TBC1D10A: variants seen among roughly 807,000 people sequenced by gnomAD.
The protein encoded by TBC1D10A is TBC1 domain family member 10A.
Under a neutral mutation model 52.9 loss-of-function variants are expected in TBC1D10A, and 24 were observed. The ratio of observed to expected loss-of-function variants is 0.45; its 90% CI spans 0.33 to 0.64. TBC1D10A has a LOEUF of 0.64. Among genes scored for constraint, TBC1D10A ranks in the 30% least tolerant of loss-of-function variants. The pLI is 0.02. For missense variants in TBC1D10A, 602 were observed against 687.9 expected, an observed-to-expected ratio of 0.88 and a Z score of 1.40; for synonymous variants, 278 against 282.9, an observed-to-expected ratio of 0.98 and a Z score of 0.17.
intron 1 of TBC1D10A, among the ~76,000 whole-genome samples, chr22:30,321,058 C>G (rs1028260834): frequency 3.9e-5 from 6 of 152,212 alleles, no homozygotes; most frequent in African/African-American, 1.4e-4. Flanking sequence ...CAAGTAGGTG[C>G]TACCATCTTA....
chr22:30,309,831 A>T (rs1930390134), intron 1 of TBC1D10A, among the ~76,000 whole-genome samples: 1 of 152,216 alleles, frequency 6.6e-6, no homozygotes, highest in South Asian at 2.1e-4. Context: ...CCTTCTAGAC[A>T]TCTGCTTTCT....
At chr22:30,302,081 C>A (rs1930212687) in intron 2 of TBC1D10A, among the ~76,000 whole-genome samples, 1 of 152,182 alleles carries the variant, frequency 6.6e-6, no homozygotes, top group Non-Finnish European at 1.5e-5. Flanking sequence ...AGCCCTGGAA[C>A]ACTTCGCGGG....
intron 1 of TBC1D10A, among the ~76,000 whole-genome samples, chr22:30,325,299 G>C (rs571451253): frequency 1.3e-5 from 2 of 152,248 alleles, no homozygotes; most frequent in Non-Finnish European, 2.9e-5. Flanking sequence ...GAAGAAGGAG[G>C]CCTGGTGAAT....
intron 8 of TBC1D10A, 182 bp from the exon 9 acceptor site, chr22:30,293,033 T>C: frequency 1.5e-6 from 1 of 670,042 alleles, no homozygotes; most frequent in Non-Finnish European, 2.5e-6. Context: ...GAGTGCCAGG[T>C]GAGCTGGACA....
At chr22:30,311,197 G>A (rs1181108476) in intron 1 of TBC1D10A, among the ~76,000 whole-genome samples, 1 of 152,236 alleles carries the variant, frequency 6.6e-6, no homozygotes, top group African/African-American at 2.4e-5. Context: ...AGTTCCATAA[G>A]AAGTGATGAT....
At chr22:30,323,970 C>CAA (rs34782876) in intron 1 of TBC1D10A, among the ~76,000 whole-genome samples, 1 of 151,192 alleles carries the variant, frequency 6.6e-6, no homozygotes, top group African/African-American at 2.4e-5. Context: ...GACTCCGTCT[C>CAA]AAAAAAAAAA....
chr22:30,309,241 A>G lies in TBC1D10A; in HGVS notation c.210-4611T>C, dbSNP rs1333644355. Among the ~76,000 whole-genome samples, 9 of 145,814 alleles carry G rather than the reference A, an allele frequency of 6.2e-5. No individual in the cohort carries two copies. In the East Asian group the frequency reaches 1.4e-3, roughly 23 times the overall value. Reference sequence around the variant, plus strand: ...AGATGGTAAGCCTGGGTAATCTGCCATTTTTTTTTTTTTGAGACGGAGTCT... The same window carrying G: ...AGATGGTAAGCCTGGGTAATCTGCCGTTTTTTTTTTTTTGAGACGGAGTCT... On this transcript the variant is annotated intron_variant, in intron 1 of 8. Transcript: ENST00000215790.
At chr22:30,293,335 C>T in intron 8 of TBC1D10A, 1 of 635,906 alleles carries the variant, frequency 1.6e-6, no homozygotes. Context: ...AGACAAGTAT[C>T]CATAAAGAAA....
chr22:30,301,625 T>C (rs1234413190), intron 2 of TBC1D10A, among the ~76,000 whole-genome samples: 1 of 152,116 alleles, frequency 6.6e-6, no homozygotes, highest in African/African-American at 2.4e-5. Context: ...TCCCCTCACC[T>C]AGAAACCCCC....
intron 2 of TBC1D10A, 136 bp downstream of exon 2, chr22:30,304,395 T>A (rs1930268257): frequency 6.9e-7 from 1 of 1,441,734 alleles, no homozygotes; most frequent in South Asian, 1.3e-5. Context: ...TGTCCTGCAC[T>A]GGCAGTTGGA....
At chr22:30,306,057 C>G (rs573556846) in intron 1 of TBC1D10A, among the ~76,000 whole-genome samples, 1 of 152,220 alleles carries the variant, frequency 6.6e-6, no homozygotes, top group South Asian at 2.1e-4. Context: ...AACCCCCAAA[C>G]ATCCCAGGAG....
intron 4 of TBC1D10A, among the ~76,000 whole-genome samples, 200 bp from the exon 5 acceptor site, chr22:30,295,255 A>T (rs1386426554): frequency 6.6e-6 from 1 of 152,194 alleles, no homozygotes; most frequent in African/African-American, 2.4e-5. Flanking sequence ...GAGGTGGGGA[A>T]GGTCTCCCCC....
intron 2 of TBC1D10A, among the ~76,000 whole-genome samples, chr22:30,301,296 T>C (rs573118415): frequency 2.0e-5 from 3 of 151,918 alleles, no homozygotes; most frequent in African/African-American, 7.2e-5. Context: ...AGGGGTGAGA[T>C]GGCCAATGAT....
chr22:30,325,010 C>T (rs894604405), intron 1 of TBC1D10A, among the ~76,000 whole-genome samples: 1 of 152,224 alleles, frequency 6.6e-6, no homozygotes, highest in African/African-American at 2.4e-5. Context: ...CTGGGAACTC[C>T]TTTCCTAGAT....
Position 30,326,839 on chromosome 22 carries a change from C to A in TBC1D10A, c.43G>T (p.Ala15Ser). The A allele has an allele frequency of 6.8e-7, 1 of 1,475,840 alleles. No individual in the cohort carries two copies. The allele number at this position is 1,475,840 out of a possible 1,614,324, so 91.4% of individuals were successfully genotyped here. A position where few individuals can be genotyped will look rare whatever the true frequency, so the allele number is the denominator to read the frequency against. ...NGENGPRAPA[A>S]GESLSGTRES... The stretch of plus-strand genomic sequence containing the variant: ...CGGGTTCCCGACAGGCTTTCCCCGG[C>A]CGCGGGCGCGCGCGGCCCATTCTCT... The change falls in exon 1 of 9, where the codon GCC (alanine) becomes TCC (serine). Residue 15 changes from alanine to serine, a missense_variant. Coordinates refer to ENST00000215790, the MANE Select transcript of TBC1D10A (RefSeq NM_031937.3).
rs1002627392 is a variant in TBC1D10A, at chr22:30,292,006, T to A, written c.*369A>T. ...TACACGAGCTCTCTATACAAGGCTG[T>A]TTATTTCTGTACAAAACCATGTTTC... is the stretch of plus-strand genomic sequence containing the variant. On this transcript the variant is annotated 3_prime_UTR_variant, in exon 9 of 9. Transcript: ENST00000215790. 5.0e-6 allele frequency: 1 copy of A among 200,414 alleles called. No homozygotes were observed. Among genetic ancestry groups the A allele is most frequent in the Non-Finnish European group, 1.0e-5 (1 of 100,270 alleles). The allele number at this position is 200,414 out of a possible 1,614,324, so 12.4% of individuals were successfully genotyped here.
chr22:30,302,084 T>C (rs1930212759), intron 2 of TBC1D10A, among the ~76,000 whole-genome samples: 1 of 152,094 alleles, frequency 6.6e-6, no homozygotes, highest in Non-Finnish European at 1.5e-5. Context: ...CCTGGAACAC[T>C]TCGCGGGCAG....
intron 2 of TBC1D10A, among the ~76,000 whole-genome samples, chr22:30,301,823 G>C (rs977701841): frequency 1.3e-5 from 2 of 152,212 alleles, no homozygotes; most frequent in South Asian, 2.1e-4. Context: ...CCAAGTGAGA[G>C]CTTCTGGGAC....
intron 1 of TBC1D10A, 33 bp downstream of exon 1, chr22:30,326,640 G>T: frequency 6.4e-7 from 1 of 1,555,438 alleles, no homozygotes. Flanking sequence ...CGCGTGGGTG[G>T]CGCGCTCAGT....
Sources: gnomAD v4.1 joint callset for allele counts (sites outside exome capture counted in the v4.1 genomes callset) on GRCh38, gnomAD v4.1.1 for gene constraint, MANE v1.5 for transcripts, NCBI Gene and HGNC (gene_info 2026-07-23, HGNC 2026-07-21) for gene names.